Variants in MTCL3 observed in about 807,000 individuals in gnomAD.
The protein encoded by MTCL3 is microtubule cross-linking factor 3.
chr6:127,502,502 G>A, the MTCL3 span, among the ~76,000 whole-genome samples: 1 of 152,194 alleles, frequency 6.6e-6, no homozygotes, highest in Non-Finnish European at 1.5e-5. Flanking sequence ...TGGGTCAGAT[G>A]GAAGAAGTTA....
the MTCL3 span, chr6:127,475,143 G>T: frequency 1.4e-6 from 1 of 713,940 alleles, no homozygotes; most frequent in Non-Finnish European, 2.2e-6. This position sits in a 1 kb window ranked among gnomAD's most constrained non-coding sequence, Gnocchi z 7.3. Flanking sequence ...CTGGTGGGCC[G>T]AGGCCGGGGG....
chr6:127,480,158 T>C, the MTCL3 span, among the ~76,000 whole-genome samples: 1 of 152,238 alleles, frequency 6.6e-6, no homozygotes, highest in African/African-American at 2.4e-5. Context: ...TACTCCTGGC[T>C]TTCACTTTAA....
chr6:127,473,274 G>A, the MTCL3 span: 1 of 1,512,210 alleles, frequency 6.6e-7, no homozygotes, highest in Non-Finnish European at 8.8e-7. Flanking sequence ...GGTAAATGAT[G>A]AAAGATTTAC....
the MTCL3 span, among the ~76,000 whole-genome samples, chr6:127,476,995 A>G: frequency 1.3e-5 from 2 of 152,258 alleles, no homozygotes; most frequent in African/African-American, 4.8e-5. This position sits in a 1 kb window ranked among gnomAD's most constrained non-coding sequence, Gnocchi z 4.4. Flanking sequence ...CGAAGGTTAC[A>G]CAGCTAATGA....
At chr6:127,502,766 A>C in the MTCL3 span, among the ~76,000 whole-genome samples, 9 of 152,174 alleles carry the variant, frequency 5.9e-5, no homozygotes, top group African/African-American at 2.2e-4. Context: ...ACCTTCACAT[A>C]TGTTATCTCA....
the MTCL3 span, among the ~76,000 whole-genome samples, chr6:127,481,074 A>G: frequency 9.2e-5 from 14 of 152,342 alleles, no homozygotes; most frequent in South Asian, 2.9e-3. Context: ...AAAGTTGTGG[A>G]TGTTTTTGCA....
At chr6:127,507,871 G>GAAAAAAAAAGA in the MTCL3 span, among the ~76,000 whole-genome samples, 1 of 110,980 alleles carries the variant, frequency 9.0e-6, no homozygotes, top group Non-Finnish European at 1.9e-5. Context: ...AAAAAAAAAA[G>GAAAAAAAAAGA]AAAAAAAATG....
At chr6:127,515,555 C>A in the MTCL3 span, 2 of 1,470,686 alleles carry the variant, frequency 1.4e-6, no homozygotes, top group East Asian at 2.7e-5. The surrounding 1 kb of genome is among the most constrained non-coding windows in gnomAD (Gnocchi z 4.3). Flanking sequence ...TCCATCTCCT[C>A]TTGCATTTCT....
At chr6:127,478,165 A>G in the MTCL3 span, among the ~76,000 whole-genome samples, 1 of 152,204 alleles carries the variant, frequency 6.6e-6, no homozygotes, top group African/African-American at 2.4e-5. Flanking sequence ...GACATGTTAC[A>G]ATGTTTTGGA....
At chr6:127,499,978 T>A in the MTCL3 span, among the ~76,000 whole-genome samples, 1 of 152,186 alleles carries the variant, frequency 6.6e-6, no homozygotes, top group African/African-American at 2.4e-5. Flanking sequence ...GCCTCTATAA[T>A]ACTATTTCCT....
chr6:127,493,617 A>G, the MTCL3 span, among the ~76,000 whole-genome samples: 18 of 152,218 alleles, frequency 1.2e-4, no homozygotes, highest in African/African-American at 4.3e-4. Context: ...TCTGCTAGAC[A>G]GCTAAACCCT....
At chr6:127,495,770 C>A in the MTCL3 span, among the ~76,000 whole-genome samples, 1 of 152,056 alleles carries the variant, frequency 6.6e-6, no homozygotes, top group Admixed American at 6.6e-5. Context: ...ATGTGATAGC[C>A]CACAATTACA....
chr6:127,476,363 G>A, the MTCL3 span: 1 of 1,614,218 alleles, frequency 6.2e-7, no homozygotes, highest in Non-Finnish European at 8.5e-7. This position sits in a 1 kb window ranked among gnomAD's most constrained non-coding sequence, Gnocchi z 4.4. Context: ...TGGAGCTCGT[G>A]TTCAAATCTG....
the MTCL3 span, among the ~76,000 whole-genome samples, chr6:127,490,771 C>T: frequency 2.0e-5 from 3 of 152,036 alleles, 1 homozygote; most frequent in South Asian, 4.1e-4. Flanking sequence ...GAGCTGAGAT[C>T]GCACCATTAC....
chr6:127,487,968 C>G, the MTCL3 span, among the ~76,000 whole-genome samples: 1 of 152,198 alleles, frequency 6.6e-6, no homozygotes, highest in African/African-American at 2.4e-5. Flanking sequence ...CCCAGAGTGA[C>G]TAGAATGTGT....
the MTCL3 span, among the ~76,000 whole-genome samples, chr6:127,487,371 G>A: frequency 6.6e-6 from 1 of 152,088 alleles, no homozygotes; most frequent in Non-Finnish European, 1.5e-5. Context: ...TTCAACACAG[G>A]GATCAGCAGA....
chr6:127,516,258 C>T, the MTCL3 span: 2 of 1,468,670 alleles, frequency 1.4e-6, no homozygotes, highest in African/African-American at 2.8e-5. Context: ...CAGCCACAGG[C>T]TGGACAGCTC....
chr6:127,489,903 T>A, the MTCL3 span, among the ~76,000 whole-genome samples: 2 of 152,216 alleles, frequency 1.3e-5, no homozygotes, highest in African/African-American at 4.8e-5. Context: ...TTGGTGAAGG[T>A]GGCTACACTA....
At chr6:127,475,138 G>GGGCCGA in the MTCL3 span, among the ~76,000 whole-genome samples, 1 of 152,242 alleles carries the variant, frequency 6.6e-6, no homozygotes, top group Non-Finnish European at 1.5e-5. The surrounding 1 kb of genome is among the most constrained non-coding windows in gnomAD (Gnocchi z 7.3). Flanking sequence ...AAGAACTGGT[G>GGGCCGA]GGCCGAGGCC....
Sources: allele counts gnomAD v4.1 joint callset (sites outside exome capture counted in the v4.1 genomes callset), GRCh38; gene constraint gnomAD v4.1.1; non-coding constraint Gnocchi (gnomAD v3.1); transcripts MANE v1.5; gene names NCBI Gene and HGNC (gene_info 2026-07-23, HGNC 2026-07-21).